Variants in PWWP2A observed in about 807,000 individuals in gnomAD.
The protein encoded by PWWP2A is PWWP domain containing 2A.
A neutral mutation model predicts 48.5 loss-of-function variants in PWWP2A; 18 were observed. That is an observed-to-expected ratio of 0.37 (90% confidence interval 0.26 to 0.55). The LOEUF is 0.55. Among genes scored for constraint, PWWP2A ranks in the 20% least tolerant of loss-of-function variants. The pLI, the probability that PWWP2A is intolerant of heterozygous loss-of-function variation, is 0.81. For synonymous variants in PWWP2A, 396 were observed against 387.7 expected (o/e 1.02, Z -0.25); for missense variants, 867 against 976.4 (o/e 0.89, Z 1.49).
chr5:160,094,764 T>C lies in PWWP2A; in HGVS notation c.585-699A>G, dbSNP rs539679790. Among the ~76,000 whole-genome samples the C allele has an allele frequency of 6.2e-4, 94 of 152,078 alleles. 4 individuals carry two copies. In the South Asian group the frequency reaches 0.02, roughly 32 times the overall value. On this transcript the variant is annotated intron_variant, in intron 1 of 1. Coordinates refer to ENST00000307063, the MANE Select transcript of PWWP2A (RefSeq NM_001130864.2). ...GCAATCCAATAAAAACACTTAGGAA[T>C]GGGCCGGGTGCAGTGGCTCATGTCT...
At chr5:160,074,376 T>C (rs1191609593), downstream of PWWP2A, among the ~76,000 whole-genome samples, 1 of 151,900 alleles carries the variant, frequency 6.6e-6, no homozygotes, top group Admixed American at 6.6e-5. Flanking sequence ...AGGTGGAGGT[T>C]GCAGTGAGCC....
intron 1 of PWWP2A, among the ~76,000 whole-genome samples, chr5:160,116,371 G>C (rs550432841): frequency 1.3e-5 from 2 of 152,212 alleles, no homozygotes; most frequent in African/African-American, 4.8e-5. Flanking sequence ...CAAGAGAATT[G>C]CTTCAGCCCG....
intron 1 of PWWP2A, among the ~76,000 whole-genome samples, chr5:160,112,608 T>A (rs1757705545): frequency 1.3e-5 from 2 of 152,072 alleles, no homozygotes; most frequent in South Asian, 4.2e-4. Context: ...ACTGTGTCAT[T>A]TATGGGCCAA....
At chr5:160,114,768 T>TAAA (rs56276633) in intron 1 of PWWP2A, among the ~76,000 whole-genome samples, 8 of 129,052 alleles carry the variant, frequency 6.2e-5, no homozygotes, top group African/African-American at 1.2e-4. Context: ...GTCTCAAGGG[T>TAAA]AAAAAAAAAA....
exon 4 of PWWP2A, chr5:160,076,872 G>C (rs1198825743): frequency 6.6e-6 from 1 of 151,898 alleles, no homozygotes; most frequent in Non-Finnish European, 1.5e-5. Context: ...CTTTTTTGTA[G>C]TAAGTAATCA....
In PWWP2A at chr5:160,093,113, T is replaced by C; in HGVS notation, c.1537A>G (p.Thr513Ala). ...APKPQSRCTS[T>A]RSAGEAPSEN... is the part of the protein sequence containing the mutation. ...GAAGGGGCCTCACCTGCTGAGCGGG[T>C]AGAGGTGCAGCGAGACTGGGGCTTG... The change falls in exon 2 of 2, where the codon ACC becomes GCC. Residue 513 changes from threonine to alanine, a missense_variant. Thr to Ala is a moderately conservative substitution (Grantham distance 58). This residue lies in a region of PWWP2A where 382 missense variants were observed against 407.2 expected (regional missense o/e 0.94). Transcript: ENST00000307063. The surrounding 1 kb of genome is among the most constrained non-coding windows in gnomAD (Gnocchi z 5.8). The C allele has an allele frequency of 1.2e-6, 2 of 1,613,880 alleles. No homozygotes were observed. Among genetic ancestry groups the C allele is most frequent in the Non-Finnish European group, 1.7e-6 (2 of 1,179,866 alleles).
At chr5:160,090,165 ATCATG>A, downstream of PWWP2A, 1 of 985,146 alleles carries the variant, frequency 1.0e-6, no homozygotes, top group Non-Finnish European at 1.2e-6. Flanking sequence ...ATATTCAACA[ATCATG>A]TTTTTTTTTT....
At chr5:160,047,314 GT>G in the PWWP2A span, among the ~76,000 whole-genome samples, 1 of 152,080 alleles carries the variant, frequency 6.6e-6, no homozygotes, top group South Asian at 2.1e-4. Flanking sequence ...ATTACCATCT[GT>G]CCCCTTGCTT....
chr5:160,114,533 C>T (rs1328490156), intron 1 of PWWP2A, among the ~76,000 whole-genome samples: 2 of 151,484 alleles, frequency 1.3e-5, no homozygotes, highest in Non-Finnish European at 2.9e-5. Context: ...GAGGCCAAGG[C>T]GGGCGGATCA....
intron 1 of PWWP2A, among the ~76,000 whole-genome samples, chr5:160,117,606 G>A (rs925069216): frequency 2.6e-5 from 4 of 151,114 alleles, no homozygotes; most frequent in Non-Finnish European, 5.9e-5. Flanking sequence ...GCAGTGAGAC[G>A]ATATGGCGCC....
Position 160,092,689 on chromosome 5 carries a change from C to T in PWWP2A, c.1961G>A (p.Cys654Tyr). The T allele has an allele frequency of 6.4e-7, 1 of 1,551,708 alleles. No homozygotes were observed. The highest frequency in any genetic ancestry group is 8.7e-7 in the Non-Finnish European group (1 of 1,146,986). The change falls in exon 2 of 2, where the codon TGT becomes TAT. Residue 654 changes from cysteine to tyrosine, a missense_variant. Transcript: ENST00000307063. ...CTTGGCCCAAACAATGTCCCCTACA[C>T]ATATGGTCCTGCCATCTGGTGTGAC... is the stretch of plus-strand genomic sequence containing the variant. ...KCVTPDGRTI[C>Y]VGDIVWAKIY...
chr5:160,092,012 GGATATA>G lies in PWWP2A; in HGVS notation c.*364_*369del. The G allele has an allele frequency of 4.1e-6, 1 of 242,096 alleles. No individual in the cohort carries two copies. The highest frequency in any genetic ancestry group is 4.8e-6 in the Non-Finnish European group (1 of 207,056). 15.0% of individuals were successfully genotyped at this position (242,096 alleles called of 1,614,324 possible). On this transcript the variant is annotated 3_prime_UTR_variant, in exon 2 of 2. Coordinates refer to ENST00000307063, the MANE Select transcript of PWWP2A (RefSeq NM_001130864.2). ...TATATGTGTGTATATATACATACACGGATATATATATATACACACACACACACGTAT... is the reference window on the plus strand; with the variant it reads ...TATATGTGTGTATATATACATACACGTATATATACACACACACACACGTAT...
intron 1 of PWWP2A, among the ~76,000 whole-genome samples, chr5:160,109,868 T>C (rs1757380695): frequency 7.4e-6 from 1 of 135,416 alleles, no homozygotes; most frequent in South Asian, 2.3e-4. Context: ...TTCTACAAAG[T>C]CCATGGATTA....
At chr5:160,047,365 G>T in the PWWP2A span, among the ~76,000 whole-genome samples, 1 of 152,136 alleles carries the variant, frequency 6.6e-6, no homozygotes, top group Non-Finnish European at 1.5e-5. Flanking sequence ...GTTCTTTCGT[G>T]TCACATGGCT....
chr5:160,092,523 G>T lies in PWWP2A; in HGVS notation c.2127C>A (p.Leu709=). 6.4e-7 allele frequency: 1 copy of T among 1,551,666 alleles called. No individual in the cohort carries two copies. The highest frequency in any genetic ancestry group is 8.7e-7 in the Non-Finnish European group (1 of 1,146,988). Residue 709 remains leucine, a synonymous_variant, in exon 2 of 2, where the codon CTC becomes CTA. Transcript: ENST00000307063. Reference sequence around the variant, plus strand: ...ACTGGAAGTTTTCTAAAAAGGGGGAGAGTTGTGAAAGAGCAAGGAAAGATG... The same window carrying T: ...ACTGGAAGTTTTCTAAAAAGGGGGATAGTTGTGAAAGAGCAAGGAAAGATG... ...PTTSFLALSQ[L]SPFLENFQSR...
intron 2 of PWWP2A, among the ~76,000 whole-genome samples, chr5:160,070,132 C>G (rs1753707688): frequency 6.6e-6 from 1 of 152,122 alleles, no homozygotes; most frequent in South Asian, 2.1e-4. Flanking sequence ...ACTCATGGAT[C>G]CATGCTGTTA....
chr5:160,103,723 G>C (rs545218991), intron 1 of PWWP2A, among the ~76,000 whole-genome samples: 1 of 152,264 alleles, frequency 6.6e-6, no homozygotes, highest in East Asian at 1.9e-4. Flanking sequence ...ATAAAATAAA[G>C]GTGATCCATC....
downstream of PWWP2A, chr5:160,089,816 G>A: frequency 2.0e-6 from 2 of 985,356 alleles, no homozygotes; most frequent in Non-Finnish European, 2.4e-6. Flanking sequence ...ACCCACTTCT[G>A]TTATCTCCAT....
intron 4 of PWWP2A, chr5:160,065,649 T>C: frequency 3.2e-6 from 1 of 312,370 alleles, no homozygotes; most frequent in East Asian, 8.7e-5. Context: ...TGATTCCAGA[T>C]TCCACAGATC....
Sources: gnomAD v4.1 joint callset for allele counts (sites outside exome capture counted in the v4.1 genomes callset) on GRCh38, gnomAD v4.1.1 for gene constraint, gnomAD v4.1.1 regional missense constraint, Gnocchi (gnomAD v3.1) non-coding constraint, MANE v1.5 for transcripts, NCBI Gene and HGNC (gene_info 2026-07-23, HGNC 2026-07-21) for gene names.